STRIP1: variants seen among roughly 807,000 people sequenced by gnomAD.
STRIP1 encodes the protein striatin interacting protein 1.
Under a neutral mutation model 106.2 loss-of-function variants are expected in STRIP1, and 63 were observed. That is an observed-to-expected ratio of 0.59 (90% CI 0.48 to 0.73). STRIP1 has a LOEUF of 0.73. Ranked by LOEUF, STRIP1 falls within the 30% of genes least tolerant of loss-of-function variation. The probability of loss-of-function intolerance (pLI) is 0.00; values close to 1 mark genes in which losing one functional copy is unlikely to be tolerated. For synonymous variants in STRIP1, 390 were observed against 413.0 expected (o/e 0.94, Z 0.67); for missense variants, 857 against 1,074.8 (o/e 0.80, Z 2.83).
At chr1:110,049,391 C>G in intron 16 of STRIP1, 69 bp from the exon 17 acceptor site, 1 of 1,542,690 alleles carries the variant, frequency 6.5e-7, no homozygotes, top group Non-Finnish European at 8.8e-7. Flanking sequence ...CCTTTCATCC[C>G]TGGAGGAAAG....
In STRIP1 at chr1:110,043,725, T is replaced by C. The variant is rs774228410; in HGVS notation, c.1155T>C (p.Asn385=). ...ACTCTCGAGAAGAGGAAGAGGAGAA[T>C]GATGATGACAACAGTCTGGAGGGGG... is the stretch of plus-strand genomic sequence containing the variant. ...ADDSREEEEE[N]DDDNSLEGET... The change falls in exon 10 of 21, where the codon AAT becomes AAC. Residue 385 remains asparagine (N), a synonymous_variant. Transcript: ENST00000369795. The C allele has an allele frequency of 5.6e-6, 9 of 1,614,100 alleles. No homozygotes were observed. The highest frequency in any genetic ancestry group is 7.6e-6 in the Non-Finnish European group (9 of 1,179,992).
At chr1:110,038,809 T>C in intron 3 of STRIP1, 52 bp downstream of exon 3, 3 of 1,543,962 alleles carry the variant, frequency 1.9e-6, no homozygotes, top group Non-Finnish European at 1.8e-6. Context: ...TAACGAGAGC[T>C]GCAGGTTTCT....
At chr1:110,050,165 G>A (rs1023490228) in intron 17 of STRIP1, 178 bp from the exon 18 acceptor site, 2 of 609,496 alleles carry the variant, frequency 3.3e-6, no homozygotes, top group Middle Eastern at 4.2e-4. Context: ...AAGTTCTCTT[G>A]TAACAGATAT....
Position 110,043,679 on chromosome 1 carries a change from G to A in STRIP1, c.1109G>A (p.Arg370Gln), listed in dbSNP as rs763761224. The change falls in exon 10 of 21, where the codon CGG (arginine) becomes CAG (glutamine). Residue 370 changes from arginine (R) to glutamine (Q), a missense_variant. By Grantham distance (43) the Arg-to-Gln change is conservative (BLOSUM62 1). Coordinates refer to ENST00000369795, the MANE Select transcript of STRIP1 (RefSeq NM_033088.4). ...GACAACCTAGATGCCTTCAACGAGC[G>A]GGATCCCTACAAGGCTGATGACTCT... ...KQDNLDAFNE[R>Q]DPYKADDSRE... The A allele has an allele frequency of 1.5e-5, 25 of 1,613,960 alleles. No homozygotes were observed. The highest frequency in any genetic ancestry group is 3.3e-5 in the Admixed American group (2 of 59,976).
intron 12 of STRIP1, among the ~76,000 whole-genome samples, chr1:110,045,758 C>T (rs1010574871): frequency 4.6e-5 from 7 of 152,076 alleles, no homozygotes; most frequent in South Asian, 2.1e-4. Context: ...AGCTTGGTGG[C>T]GGGGAGGAGA....
chr1:110,032,928 T>C (rs333076), upstream of STRIP1, among the ~76,000 whole-genome samples: 48,198 of 152,128 alleles, frequency 0.32, 7,983 homozygotes, highest in East Asian at 0.43. Flanking sequence ...TGGTTTTCCA[T>C]TTCACTTAGA....
At chr1:110,048,902 G>A (rs531610495) in intron 15 of STRIP1, among the ~76,000 whole-genome samples, 3 of 152,294 alleles carry the variant, frequency 2.0e-5, no homozygotes, top group African/African-American at 7.2e-5. Flanking sequence ...ATGTATTTGA[G>A]GGCATCATGG....
At chr1:110,050,639 G>A (rs535629005) in intron 18 of STRIP1, among the ~76,000 whole-genome samples, 1 of 152,366 alleles carries the variant, frequency 6.6e-6, no homozygotes, top group South Asian at 2.1e-4. Flanking sequence ...TTCAGGGGCT[G>A]CTGATCCAGA....
At chr1:110,050,248 A>G in intron 17 of STRIP1, 95 bp from the exon 18 acceptor site, 1 of 1,193,378 alleles carries the variant, frequency 8.4e-7, no homozygotes, top group Non-Finnish European at 1.2e-6. Flanking sequence ...CCAACAAGTG[A>G]GGGAGGAAAG....
At chr1:110,032,422 CA>C (rs1180377166), upstream of STRIP1, among the ~76,000 whole-genome samples, 4 of 152,138 alleles carry the variant, frequency 2.6e-5, no homozygotes, top group African/African-American at 9.7e-5. Flanking sequence ...GGGTGTAAAG[CA>C]GGCAATATGT....
rs767929769 is a variant in STRIP1 at position 110,044,906 on chromosome 1, G to T, written c.1352+1G>T. 6.2e-7 allele frequency: 1 copy of T among 1,614,102 alleles called. No individual in the cohort carries two copies. Among genetic ancestry groups the T allele is most frequent in the African/African-American group, 1.3e-5 (1 of 74,936 alleles). On this transcript the variant is annotated splice_donor_variant, in intron 11 of 20. Coordinates refer to ENST00000369795, the MANE Select transcript of STRIP1 (RefSeq NM_033088.4). LOFTEE classifies it high-confidence loss of function. ...AATTTATAGGTTACACTCTAGGCAG[G>T]TGAGTAAAAGCCGAGTTCATTTTGC... is the stretch of plus-strand genomic sequence containing the variant.
rs1653439047 is a variant in STRIP1 at position 110,054,293 on chromosome 1, T to C, written c.*381T>C. On this transcript the variant is annotated 3_prime_UTR_variant, in exon 21 of 21. Transcript: ENST00000369795. ...ATGCCTCTCGAGACATACAAATCCTTGCTTTGTCAGCTTGCAAAGGAGGAG... is the reference window on the plus strand; with the variant it reads ...ATGCCTCTCGAGACATACAAATCCTCGCTTTGTCAGCTTGCAAAGGAGGAG... 5.0e-6 allele frequency: 1 copy of C among 198,204 alleles called. No individual in the cohort carries two copies. The highest frequency in any genetic ancestry group is 1.4e-4 in the East Asian group (1 of 7,176). 12.3% of individuals were successfully genotyped at this position (198,204 alleles called of 1,614,324 possible). A position where few individuals can be genotyped will look rare whatever the true frequency, so the allele number is the denominator to read the frequency against.
At chr1:110,042,803 C>T (rs1378144894) in intron 8 of STRIP1, 12 of 314,778 alleles carry the variant, frequency 3.8e-5, no homozygotes. Context: ...AGGCTCTTTG[C>T]TTCTTTTTAA....
chr1:110,040,835 C>T (rs1172528256), intron 6 of STRIP1, 132 bp downstream of exon 6: 1 of 733,684 alleles, frequency 1.4e-6, no homozygotes, highest in Non-Finnish European at 2.2e-6. Context: ...GTGATGGGCT[C>T]AGTGTGAATG....
intron 1 of STRIP1, among the ~76,000 whole-genome samples, chr1:110,037,014 T>G (rs1190453637): frequency 6.6e-6 from 1 of 152,142 alleles, no homozygotes; most frequent in African/African-American, 2.4e-5. Context: ...TTTATATTTT[T>G]ATTAGAGACG....
At chr1:110,051,206 C>T in intron 19 of STRIP1, 146 bp downstream of exon 19, 6 of 631,464 alleles carry the variant, frequency 9.5e-6, no homozygotes, top group Middle Eastern at 3.0e-4. Flanking sequence ...GGCCAATTCC[C>T]AGTTCCTTGA....
At chr1:110,036,924 A>G (rs1355646848) in intron 1 of STRIP1, among the ~76,000 whole-genome samples, 3 of 152,290 alleles carry the variant, frequency 2.0e-5, no homozygotes, top group South Asian at 4.2e-4. Flanking sequence ...CCGGGGCTCA[A>G]GCGATTCTCC....
chr1:110,049,330 ACC>A, intron 16 of STRIP1, 92 bp downstream of exon 16: 1 of 1,585,836 alleles, frequency 6.3e-7, no homozygotes, highest in South Asian at 1.1e-5. Flanking sequence ...TTGGCCTTTG[ACC>A]CACTTGAACT....
At position 110,054,593 on chromosome 1, in the gene STRIP1, T is replaced by A. The variant is rs1653453027; in HGVS notation, c.*681T>A. On this transcript the variant is annotated 3_prime_UTR_variant, in exon 21 of 21. Coordinates refer to ENST00000369795, the MANE Select transcript of STRIP1 (RefSeq NM_033088.4). ...TGTGTATTCTGTGTCATGTTGGGGT[T>A]TTTAATGTGATTGTGTATTCTGTTT... The A allele has an allele frequency of 1.3e-5, 2 of 152,624 alleles. No homozygotes were observed. The highest frequency in any genetic ancestry group is 4.8e-5 in the African/African-American group (2 of 41,442). The allele number at this position is 152,624 out of a possible 1,614,324, so 9.5% of individuals were successfully genotyped here. A position where few individuals can be genotyped will look rare whatever the true frequency, so the allele number is the denominator to read the frequency against.
Sources: allele counts gnomAD v4.1 joint callset (sites outside exome capture counted in the v4.1 genomes callset), GRCh38; gene constraint gnomAD v4.1.1; transcripts MANE v1.5; gene names NCBI Gene and HGNC (gene_info 2026-07-23, HGNC 2026-07-21).